Variants in FYB1 observed in about 807,000 individuals in gnomAD.
The protein encoded by FYB1 is FYN binding protein 1.
Under a neutral mutation model 94.1 loss-of-function variants are expected in FYB1, and 41 were observed. The observed-to-expected ratio is 0.44, with a 90% CI of 0.34 to 0.57. The LOEUF is 0.57. Ranked by LOEUF, FYB1 falls within the 20% of genes least tolerant of loss-of-function variation. FYB1 has a pLI of 0.02. For synonymous variants in FYB1, 367 were observed against 353.2 expected, an observed-to-expected ratio of 1.04 and a Z score of -0.44; for missense variants, 1,050 against 976.8, an observed-to-expected ratio of 1.07 and a Z score of -1.00.
chr5:39,200,077 G>T (rs1748179647), intron 2 of FYB1, among the ~76,000 whole-genome samples: 1 of 152,160 alleles, frequency 6.6e-6, no homozygotes, highest in Non-Finnish European at 1.5e-5. Context: ...GGGTTACACT[G>T]ATGACAGGAT....
chr5:39,201,996 A>T lies in FYB1; in HGVS notation c.965T>A (p.Val322Glu), dbSNP rs759485959. The change falls in exon 2 of 19, where the codon GTG (valine) becomes GAG (glutamate). Residue 322 changes from valine (V) to glutamate (E), a missense_variant. Coordinates refer to ENST00000512982, the MANE Select transcript of FYB1 (RefSeq NM_001465.6). ...CTGACTTTGGCCCCATGGCCCCCCC[A>T]CTGTCAGCTTAGAAGGGGCCTTAGG... The part of the protein sequence containing the change: ...RFPKAPSKLT[V>E]GGPWGQSQEK... 1 of 1,613,924 alleles carries T rather than the reference A, an allele frequency of 6.2e-7. No individual in the cohort carries two copies. The highest frequency in any genetic ancestry group is 1.1e-5 in the South Asian group (1 of 91,076).
intron 1 of FYB1, among the ~76,000 whole-genome samples, chr5:39,205,504 C>T (rs976841428): frequency 6.6e-6 from 1 of 152,160 alleles, no homozygotes; most frequent in Non-Finnish European, 1.5e-5. Flanking sequence ...TCCCTTCTCT[C>T]GCTGCATCGG....
intron 1 of FYB1, among the ~76,000 whole-genome samples, chr5:39,243,842 G>A (rs1226322824): frequency 6.6e-6 from 1 of 152,128 alleles, no homozygotes; most frequent in Non-Finnish European, 1.5e-5. Flanking sequence ...AGTTCTCCTT[G>A]AAGAGGTGCT....
intron 1 of FYB1, among the ~76,000 whole-genome samples, chr5:39,216,444 A>T (rs1477781948): frequency 6.6e-6 from 1 of 151,810 alleles, no homozygotes; most frequent in Non-Finnish European, 1.5e-5. Context: ...CATGTGCGGG[A>T]TGTGCAGGTT....
At chr5:39,216,035 C>T (rs1003057900) in intron 1 of FYB1, among the ~76,000 whole-genome samples, 4 of 151,984 alleles carry the variant, frequency 2.6e-5, no homozygotes, top group African/African-American at 4.8e-5. Context: ...CCATGGAATC[C>T]CTGGAACCAC....
At chr5:39,119,079 A>C in intron 15 of FYB1, 43 bp from the exon 16 acceptor site, 1 of 957,650 alleles carries the variant, frequency 1.0e-6, no homozygotes, top group Non-Finnish European at 1.4e-6. Flanking sequence ...GTTTATGTGC[A>C]TTATTGAAAC....
chr5:39,187,326 G>A (rs1477446866), intron 2 of FYB1, among the ~76,000 whole-genome samples: 1 of 152,190 alleles, frequency 6.6e-6, no homozygotes, highest in African/African-American at 2.4e-5. Flanking sequence ...TATCTTTGAA[G>A]ATCCAACGAT....
chr5:39,238,261 C>CTGTG (rs573852052), intron 1 of FYB1, among the ~76,000 whole-genome samples: 1 of 151,328 alleles, frequency 6.6e-6, no homozygotes, highest in African/African-American at 2.4e-5. Context: ...TATAATATAT[C>CTGTG]TGTGTGTGTG....
chr5:39,213,746 GC>G (rs1398964001), intron 1 of FYB1, among the ~76,000 whole-genome samples: 2 of 152,056 alleles, frequency 1.3e-5, no homozygotes, highest in Non-Finnish European at 2.9e-5. Flanking sequence ...CCAAACAGCT[GC>G]CCCTTAGAGT....
At chr5:39,259,127 C>T (rs957505761) in intron 1 of FYB1, among the ~76,000 whole-genome samples, 2 of 152,198 alleles carry the variant, frequency 1.3e-5, no homozygotes, top group Admixed American at 6.5e-5. Flanking sequence ...TGAGTTGTCA[C>T]ATGGGAGGGT....
intron 1 of FYB1, among the ~76,000 whole-genome samples, chr5:39,267,910 A>G (rs1057298624): frequency 2.0e-5 from 3 of 152,230 alleles, no homozygotes; most frequent in Non-Finnish European, 2.9e-5. Flanking sequence ...AGTCTTGTCT[A>G]TATCACCATA....
intron 2 of FYB1, among the ~76,000 whole-genome samples, chr5:39,181,144 C>G (rs1199352353): frequency 6.6e-6 from 1 of 152,122 alleles, no homozygotes; most frequent in African/African-American, 2.4e-5. Context: ...CCATATAGAA[C>G]AGAATACGTA....
chr5:39,130,986 G>A (rs1741153703), intron 9 of FYB1, among the ~76,000 whole-genome samples: 1 of 152,076 alleles, frequency 6.6e-6, no homozygotes, highest in Non-Finnish European at 1.5e-5. Context: ...GTCACATAGA[G>A]CAATTATTGT....
chr5:39,146,668 G>A (rs1167234242), intron 3 of FYB1, among the ~76,000 whole-genome samples: 3 of 152,110 alleles, frequency 2.0e-5, no homozygotes, highest in African/African-American at 7.2e-5. Flanking sequence ...AAAAGGAAGG[G>A]TATTTGCATA....
intron 10 of FYB1, among the ~76,000 whole-genome samples, chr5:39,129,253 C>CT (rs1363472087): frequency 6.6e-6 from 1 of 151,776 alleles, no homozygotes; most frequent in Admixed American, 6.6e-5. Flanking sequence ...ACTGGATATC[C>CT]ATATGGAAAA....
chr5:39,120,169 G>A (rs2150281558), intron 14 of FYB1, among the ~76,000 whole-genome samples: 1 of 151,970 alleles, frequency 6.6e-6, no homozygotes, highest in East Asian at 1.9e-4. Flanking sequence ...ATTATAAGAA[G>A]GAGCTTTTTA....
Position 39,111,286 on chromosome 5 carries a change from T to A in FYB1, c.2402-897A>T, listed in dbSNP as rs1363067583. ...GCTTGAGATTAGTACCATTTATTGCTTCCTCAATACAATCTCTAAATAATT... is the reference window on the plus strand; with the variant it reads ...GCTTGAGATTAGTACCATTTATTGCATCCTCAATACAATCTCTAAATAATT... On this transcript the variant is annotated intron_variant, in intron 16 of 18. Transcript: ENST00000512982. Among the ~76,000 whole-genome samples, 6 of 152,132 alleles carry A rather than the reference T, an allele frequency of 3.9e-5. No individual in the cohort carries two copies. In the East Asian group the frequency reaches 1.2e-3, roughly 29 times the overall value.
intron 3 of FYB1, among the ~76,000 whole-genome samples, chr5:39,150,509 C>T (rs2150353818): frequency 6.6e-6 from 1 of 152,254 alleles, no homozygotes; most frequent in African/African-American, 2.4e-5. Context: ...CAAAGTGTTG[C>T]CCAATTTTAG....
At chr5:39,195,246 C>T (rs1008856125) in intron 2 of FYB1, among the ~76,000 whole-genome samples, 10 of 152,178 alleles carry the variant, frequency 6.6e-5, no homozygotes, top group African/African-American at 1.9e-4. Context: ...CTTACCGCTA[C>T]GTTTCTAAAA....
Sources: allele counts gnomAD v4.1 joint callset (sites outside exome capture counted in the v4.1 genomes callset), GRCh38; gene constraint gnomAD v4.1.1; transcripts MANE v1.5; gene names NCBI Gene and HGNC (gene_info 2026-07-23, HGNC 2026-07-21).